Variants in SLC35F3 observed in about 807,000 individuals in gnomAD.
SLC35F3 encodes the protein putative thiamine transporter SLC35F3.
In SLC35F3, 25 loss-of-function variants were observed where a neutral mutation model predicts 49.9. The observed-to-expected ratio is 0.50, with a 90% CI of 0.37 to 0.70. SLC35F3 has a LOEUF of 0.70. Among genes scored for constraint, SLC35F3 ranks in the 30% least tolerant of loss-of-function variants. SLC35F3 has a pLI of 0.00. For synonymous variants in SLC35F3, 275 were observed against 265.4 expected (o/e 1.04, Z -0.35); for missense variants, 525 against 639.8 (o/e 0.82, Z 1.94).
intron 2 of SLC35F3, among the ~76,000 whole-genome samples, chr1:234,127,913 A>G (rs1448650782): frequency 6.6e-6 from 1 of 152,186 alleles, no homozygotes; most frequent in Non-Finnish European, 1.5e-5. Context: ...GACATGAATC[A>G]CCAATACCTG....
At chr1:233,992,978 A>G (rs7532261) in intron 2 of SLC35F3, among the ~76,000 whole-genome samples, 2,039 of 152,252 alleles carry the variant, frequency 0.013, 40 homozygotes, top group African/African-American at 0.047. Context: ...TCTGTGCTGT[A>G]GATGCTTCCC....
intron 2 of SLC35F3, among the ~76,000 whole-genome samples, chr1:233,915,578 GA>G (rs1419682247): frequency 1.3e-5 from 2 of 151,886 alleles, no homozygotes; most frequent in South Asian, 2.1e-4. Context: ...GTTTCTAAAA[GA>G]AAAAAAGGAA....
intron 2 of SLC35F3, among the ~76,000 whole-genome samples, chr1:234,203,395 C>G (rs1048525258): frequency 4.6e-5 from 7 of 152,032 alleles, no homozygotes; most frequent in Admixed American, 3.3e-4. Context: ...ATTTTTTAGC[C>G]CCTTTAAACT....
At chr1:234,171,230 A>G (rs981267472) in intron 2 of SLC35F3, among the ~76,000 whole-genome samples, 1 of 152,202 alleles carries the variant, frequency 6.6e-6, no homozygotes, top group Non-Finnish European at 1.5e-5. Flanking sequence ...GGGATTCTGC[A>G]TACTGGGACC....
intron 2 of SLC35F3, among the ~76,000 whole-genome samples, chr1:234,035,194 T>TG (rs1222077116): frequency 6.6e-6 from 1 of 152,188 alleles, no homozygotes; most frequent in Admixed American, 6.5e-5. Flanking sequence ...AAAGGGGGCA[T>TG]GGAAGTACAT....
intron 2 of SLC35F3, among the ~76,000 whole-genome samples, chr1:234,177,937 A>G (rs1027843910): frequency 7.2e-5 from 11 of 152,132 alleles, no homozygotes; most frequent in Admixed American, 5.9e-4. Flanking sequence ...CATCTCTATC[A>G]TTTCTCACCG....
intron 3 of SLC35F3, among the ~76,000 whole-genome samples, chr1:234,278,257 A>C (rs115578969): frequency 0.047 from 7,201 of 152,228 alleles, 236 homozygotes; most frequent in South Asian, 0.084. Context: ...TTGAGAGGCC[A>C]AGGCTGGTGA....
intron 2 of SLC35F3, among the ~76,000 whole-genome samples, chr1:234,111,548 T>C (rs34589460): frequency 0.14 from 21,175 of 152,250 alleles, 3,217 homozygotes; most frequent in East Asian, 0.81. Context: ...CCGCCTCGGC[T>C]TCCCAAAGTG....
At chr1:233,977,317 A>G (rs1044041364) in intron 2 of SLC35F3, among the ~76,000 whole-genome samples, 7 of 152,196 alleles carry the variant, frequency 4.6e-5, no homozygotes, top group Non-Finnish European at 1.0e-4. Context: ...CCACCTCCAT[A>G]TGCTTATGGG....
At chr1:234,169,304 C>G (rs1367636772) in intron 2 of SLC35F3, among the ~76,000 whole-genome samples, 2 of 152,234 alleles carry the variant, frequency 1.3e-5, no homozygotes, top group African/African-American at 4.8e-5. Flanking sequence ...GTCTCACCAG[C>G]TGCCTGGGCA....
At chr1:234,098,057 G>C (rs1370522086) in intron 2 of SLC35F3, among the ~76,000 whole-genome samples, 16 of 151,096 alleles carry the variant, frequency 1.1e-4, no homozygotes, top group African/African-American at 3.9e-4. Flanking sequence ...TGGCAGTTCA[G>C]ATGGTGGTGG....
At chr1:234,193,076 TCA>T (rs1374096520) in intron 2 of SLC35F3, among the ~76,000 whole-genome samples, 2 of 152,114 alleles carry the variant, frequency 1.3e-5, no homozygotes, top group Non-Finnish European at 2.9e-5. Flanking sequence ...CCATCATTCT[TCA>T]CAGAACTAGT....
chr1:233,908,707 T>C (rs1253299001), intron 2 of SLC35F3, among the ~76,000 whole-genome samples: 1 of 151,032 alleles, frequency 6.6e-6, no homozygotes, highest in East Asian at 2.0e-4. Flanking sequence ...GCTAATTTTT[T>C]GTATTTTTAG....
intron 2 of SLC35F3, among the ~76,000 whole-genome samples, chr1:233,971,772 A>T (rs1401029529): frequency 6.6e-6 from 1 of 151,830 alleles, no homozygotes; most frequent in Non-Finnish European, 1.5e-5. Flanking sequence ...CTTGTGGTCA[A>T]CAATGGGACC....
chr1:234,316,570 T>C, intron 4 of SLC35F3, 32 bp from the exon 5 acceptor site: 1 of 1,590,302 alleles, frequency 6.3e-7, no homozygotes, highest in East Asian at 2.3e-5. Flanking sequence ...CGTCCCGACT[T>C]CCCTGACCAG....
intron 3 of SLC35F3, among the ~76,000 whole-genome samples, chr1:234,234,641 G>T (rs1424505559): frequency 1.3e-5 from 2 of 151,972 alleles, no homozygotes; most frequent in Non-Finnish European, 2.9e-5. Context: ...TTAGAACTAG[G>T]ATTCACCTCA....
At chr1:233,938,042 A>C (rs12563821) in intron 2 of SLC35F3, among the ~76,000 whole-genome samples, 4 of 152,130 alleles carry the variant, frequency 2.6e-5, no homozygotes, top group Non-Finnish European at 5.9e-5. Context: ...GAAGCCTTGA[A>C]TCAATGCCAT....
chr1:233,955,393 G>A (rs75006801), intron 2 of SLC35F3, among the ~76,000 whole-genome samples: 4,417 of 152,100 alleles, frequency 0.029, 184 homozygotes, highest in African/African-American at 0.098. Context: ...CCCCAATCTG[G>A]TGAATGTCCC....
intron 2 of SLC35F3, among the ~76,000 whole-genome samples, chr1:234,087,751 T>C (rs1664981974): frequency 6.6e-6 from 1 of 152,178 alleles, no homozygotes; most frequent in Non-Finnish European, 1.5e-5. Flanking sequence ...CCGGGTGGTC[T>C]AACCTCATCC....
Sources: gnomAD v4.1 joint callset for allele counts (sites outside exome capture counted in the v4.1 genomes callset) on GRCh38, gnomAD v4.1.1 for gene constraint, MANE v1.5 for transcripts, NCBI Gene and HGNC (gene_info 2026-07-23, HGNC 2026-07-21) for gene names.